SNTG1: variants seen among roughly 807,000 people sequenced by gnomAD.
SNTG1 encodes syntrophin gamma 1.
In SNTG1, 39 loss-of-function variants were observed where a neutral mutation model predicts 74.7. The observed-to-expected ratio is 0.52, with a 90% CI of 0.40 to 0.68. SNTG1 has a LOEUF of 0.68. SNTG1 is among the 30% of genes least tolerant of loss of function. The pLI is 0.00. For missense variants in SNTG1, 685 were observed against 609.5 expected (o/e 1.12, Z -1.30); for synonymous variants, 254 against 217.1 (o/e 1.17, Z -1.49).
chr8:50,752,409 G>A (rs549081351), intron 18 of SNTG1, among the ~76,000 whole-genome samples: 29 of 151,758 alleles, frequency 1.9e-4, no homozygotes, highest in Non-Finnish European at 3.5e-4. Context: ...CAGTCCTTTG[G>A]TAGTTTCATT....
chr8:50,532,771 A>G (rs2094279462), intron 10 of SNTG1, among the ~76,000 whole-genome samples: 3 of 152,196 alleles, frequency 2.0e-5, no homozygotes. Flanking sequence ...GAAAGAGTGC[A>G]TTGTGAGGCA....
chr8:50,623,881 T>C (rs1030452720), intron 13 of SNTG1, among the ~76,000 whole-genome samples: 5 of 139,358 alleles, frequency 3.6e-5, no homozygotes, highest in Admixed American at 2.7e-4. Flanking sequence ...TTATTATCTC[T>C]TTTTTTAAAC....
chr8:50,471,059 T>G (rs2093649890), intron 8 of SNTG1, among the ~76,000 whole-genome samples: 1 of 151,996 alleles, frequency 6.6e-6, no homozygotes, highest in East Asian at 1.9e-4. Flanking sequence ...TTTACAAACT[T>G]TAGCTAGACA....
chr8:50,467,202 C>T (rs1044650200), intron 8 of SNTG1, among the ~76,000 whole-genome samples: 4 of 151,844 alleles, frequency 2.6e-5, no homozygotes, highest in African/African-American at 9.7e-5. Flanking sequence ...CAAACTGTTG[C>T]CTCTCCTTCT....
chr8:50,002,533 C>T (rs1814839040), intron 1 of SNTG1, among the ~76,000 whole-genome samples: 1 of 151,960 alleles, frequency 6.6e-6, no homozygotes, highest in Non-Finnish European at 1.5e-5. Flanking sequence ...TATTTTATTA[C>T]TTTTTTCTTT....
intron 8 of SNTG1, among the ~76,000 whole-genome samples, chr8:50,492,146 T>A (rs1053088776): frequency 6.6e-6 from 1 of 152,216 alleles, no homozygotes; most frequent in African/African-American, 2.4e-5. Flanking sequence ...TGATGGGCAT[T>A]TGGATTGGTT....
At chr8:50,716,604 T>G (rs906788171) in intron 17 of SNTG1, among the ~76,000 whole-genome samples, 5 of 152,096 alleles carry the variant, frequency 3.3e-5, no homozygotes, top group African/African-American at 7.2e-5. Flanking sequence ...ATTTCAAAGA[T>G]AGCCCTAAAG....
intron 1 of SNTG1, among the ~76,000 whole-genome samples, chr8:50,092,315 T>C (rs1054776190): frequency 6.6e-6 from 1 of 152,166 alleles, no homozygotes; most frequent in Non-Finnish European, 1.5e-5. Flanking sequence ...ACATCAGATT[T>C]GGGAGGTTTT....
chr8:49,968,554 T>C (rs1418474292), intron 1 of SNTG1, among the ~76,000 whole-genome samples: 1 of 152,150 alleles, frequency 6.6e-6, no homozygotes, highest in Non-Finnish European at 1.5e-5. Context: ...GAACTTGTAA[T>C]AAAGTTTAAA....
intron 2 of SNTG1, among the ~76,000 whole-genome samples, chr8:50,231,219 G>GA (rs755613386): frequency 2.1e-4 from 31 of 151,080 alleles, no homozygotes; most frequent in Non-Finnish European, 4.0e-4. Flanking sequence ...TGTTATTAAA[G>GA]AAAAGACAAA....
At chr8:50,047,990 A>G (rs1384024387) in intron 1 of SNTG1, among the ~76,000 whole-genome samples, 1 of 152,190 alleles carries the variant, frequency 6.6e-6, no homozygotes, top group Non-Finnish European at 1.5e-5. Flanking sequence ...AGAGTATTAA[A>G]TGAGAGGGCA....
At chr8:50,388,725 G>A (rs1037664473) in intron 2 of SNTG1, among the ~76,000 whole-genome samples, 2 of 152,170 alleles carry the variant, frequency 1.3e-5, no homozygotes, top group Admixed American at 1.3e-4. Context: ...TGCTTCTGAG[G>A]CTGTTCAACT....
chr8:50,387,226 G>GT (rs1396906512), intron 2 of SNTG1, among the ~76,000 whole-genome samples: 2 of 152,042 alleles, frequency 1.3e-5, no homozygotes, highest in Non-Finnish European at 2.9e-5. Flanking sequence ...GCCATTGCAT[G>GT]TAAGGATTCC....
At chr8:50,250,579 T>C (rs2086602995) in intron 2 of SNTG1, among the ~76,000 whole-genome samples, 1 of 152,102 alleles carries the variant, frequency 6.6e-6, no homozygotes, top group South Asian at 2.1e-4. Context: ...AATGTCAAGT[T>C]ACATATAGGG....
At chr8:50,638,497 A>G (rs934697994) in intron 13 of SNTG1, among the ~76,000 whole-genome samples, 2 of 152,094 alleles carry the variant, frequency 1.3e-5, no homozygotes, top group African/African-American at 4.8e-5. Context: ...CAAGAAGTAG[A>G]GTTACAAAAA....
intron 15 of SNTG1, among the ~76,000 whole-genome samples, chr8:50,669,238 T>C (rs28830520): frequency 6.6e-6 from 1 of 150,460 alleles, no homozygotes; most frequent in Non-Finnish European, 1.5e-5. Context: ...CTTCAAAGAA[T>C]TAGTGAATCC....
At chr8:50,332,122 C>T (rs567789459) in intron 2 of SNTG1, among the ~76,000 whole-genome samples, 1 of 152,246 alleles carries the variant, frequency 6.6e-6, no homozygotes, top group Non-Finnish European at 1.5e-5. Flanking sequence ...AGCTGTGGAG[C>T]TAGACAACCC....
chr8:50,661,423 C>T (rs1013573296), intron 15 of SNTG1, among the ~76,000 whole-genome samples: 1 of 152,130 alleles, frequency 6.6e-6, no homozygotes, highest in Non-Finnish European at 1.5e-5. Flanking sequence ...ACTTATGCGG[C>T]CATCAGAAGT....
chr8:49,945,478 AAGC>A (rs1809094494), intron 1 of SNTG1, among the ~76,000 whole-genome samples: 1 of 152,200 alleles, frequency 6.6e-6, no homozygotes, highest in African/African-American at 2.4e-5. Context: ...GTCTTATGTT[AAGC>A]AGCAGTTGCC....
Sources: gnomAD v4.1 joint callset for allele counts (sites outside exome capture counted in the v4.1 genomes callset) on GRCh38, gnomAD v4.1.1 for gene constraint, MANE v1.5 for transcripts, NCBI Gene and HGNC (gene_info 2026-07-23, HGNC 2026-07-21) for gene names.